The following DACH1 variants were observed in gnomAD, a reference collection of about 807,000 sequenced individuals.
The protein encoded by DACH1 is dachshund family transcription factor 1, also known as dachshund homolog 1.
Under a neutral mutation model 54.2 loss-of-function variants are expected in DACH1, and 12 were observed. That is an observed-to-expected ratio of 0.22 (90% confidence interval 0.14 to 0.36). The LOEUF (loss-of-function observed/expected upper bound fraction) is 0.36. Ranked by LOEUF, DACH1 falls within the 10% of genes least tolerant of loss-of-function variation. DACH1 has a pLI of 1.00. For synonymous variants in DACH1, 386 were observed against 366.2 expected (o/e 1.05, Z -0.62); for missense variants, 805 against 929.8 (o/e 0.87, Z 1.75).
intron 1 of DACH1, among the ~76,000 whole-genome samples, chr13:71,832,490 A>T (rs942307854): frequency 1.3e-5 from 2 of 151,990 alleles, no homozygotes; most frequent in African/African-American, 4.8e-5. Flanking sequence ...AAAATGTTTT[A>T]ATAGTAAATT....
intron 3 of DACH1, among the ~76,000 whole-genome samples, chr13:71,628,404 T>C (rs1388288404): frequency 6.6e-6 from 1 of 152,066 alleles, no homozygotes; most frequent in East Asian, 1.9e-4. Context: ...AAAATTACAA[T>C]GATAACATCT....
In DACH1 at chr13:71,440,383, T is replaced by C. The variant is rs1354842608; in HGVS notation, c.*272A>G. 3 of 371,194 alleles carry C rather than the reference T, an allele frequency of 8.1e-6. No individual in the cohort carries two copies. The highest frequency in any genetic ancestry group is 9.7e-6 in the Non-Finnish European group (2 of 207,016). The allele number at this position is 371,194 out of a possible 1,614,324, so 23.0% of individuals were successfully genotyped here. ...GACCTGCCTTTAACTCTGTATACAA[T>C]TGTCCAGCAGCAAGTTGCAGTAATT... On this transcript the variant is annotated 3_prime_UTR_variant, in exon 11 of 11. Coordinates refer to ENST00000613252, the MANE Select transcript of DACH1 (RefSeq NM_080759.6).
chr13:71,440,596 G>A lies in DACH1; in HGVS notation c.*59C>T. On this transcript the variant is annotated 3_prime_UTR_variant, in exon 11 of 11. Transcript: ENST00000613252. ...TTTATTTTTTTCTGAACTTTCCCAT[G>A]ACGAATGTCTGACTGCAAAGTTCTT... is the stretch of plus-strand genomic sequence containing the variant. 7.3e-7 allele frequency: 1 copy of A among 1,378,098 alleles called. No homozygotes were observed. Among genetic ancestry groups the A allele is most frequent in the East Asian group, 2.4e-5 (1 of 41,032 alleles). 85.4% of individuals were successfully genotyped at this position (1,378,098 alleles called of 1,614,324 possible).
intron 6 of DACH1, among the ~76,000 whole-genome samples, chr13:71,516,982 A>G (rs1334462166): frequency 6.6e-6 from 1 of 151,626 alleles, no homozygotes; most frequent in African/African-American, 2.4e-5. Flanking sequence ...ATACATGAGT[A>G]TACTCTCATA....
At chr13:71,574,608 C>A (rs559268294) in intron 3 of DACH1, among the ~76,000 whole-genome samples, 2 of 152,036 alleles carry the variant, frequency 1.3e-5, no homozygotes, top group Non-Finnish European at 2.9e-5. Context: ...AATATAAATT[C>A]AAACTAATTA....
At chr13:71,738,731 C>CAAAAAAAAAAAAAAAAAAAAAAAAA (rs34856567) in intron 1 of DACH1, among the ~76,000 whole-genome samples, 2 of 24,064 alleles carry the variant, frequency 8.3e-5, no homozygotes, top group African/African-American at 1.7e-4. Context: ...GACTCTGTCT[C>CAAAAAAAAAAAAAAAAAAAAAAAAA]AAAAAAAAAA....
At chr13:71,463,583 C>T (rs984880837) in intron 10 of DACH1, among the ~76,000 whole-genome samples, 5 of 151,958 alleles carry the variant, frequency 3.3e-5, no homozygotes, top group Admixed American at 1.3e-4. Context: ...CTCAAAGATT[C>T]TGGATTTACA....
chr13:71,829,458 A>G (rs1168402816), intron 1 of DACH1, among the ~76,000 whole-genome samples: 1 of 152,008 alleles, frequency 6.6e-6, no homozygotes, highest in Non-Finnish European at 1.5e-5. Context: ...CTAAGTACGT[A>G]CTGGGAATAA....
chr13:71,561,143 C>T (rs1238395703), intron 4 of DACH1, among the ~76,000 whole-genome samples: 1 of 152,110 alleles, frequency 6.6e-6, no homozygotes, highest in Non-Finnish European at 1.5e-5. Flanking sequence ...CAAAGTGATT[C>T]CATTAGCACC....
At chr13:71,812,886 T>G (rs1323060390) in intron 1 of DACH1, among the ~76,000 whole-genome samples, 1 of 152,168 alleles carries the variant, frequency 6.6e-6, no homozygotes, top group Non-Finnish European at 1.5e-5. Flanking sequence ...TAAGTTTAAG[T>G]GCTAAATAAC....
At chr13:71,449,834 A>G (rs1388020912) in intron 10 of DACH1, among the ~76,000 whole-genome samples, 1 of 149,676 alleles carries the variant, frequency 6.7e-6, no homozygotes, top group Non-Finnish European at 1.5e-5. Context: ...AAGAAAGTAC[A>G]TGAGAGAACA....
chr13:71,441,614 TG>T (rs1332630000), intron 10 of DACH1, among the ~76,000 whole-genome samples: 2 of 152,002 alleles, frequency 1.3e-5, no homozygotes, highest in Non-Finnish European at 2.9e-5. Context: ...GCCATGTAAA[TG>T]TTTGCAAAAT....
At chr13:71,738,456 G>T (rs571574389) in intron 1 of DACH1, among the ~76,000 whole-genome samples, 1 of 152,240 alleles carries the variant, frequency 6.6e-6, no homozygotes, top group African/African-American at 2.4e-5. Context: ...AACTGTCTGC[G>T]TGAGGTGGCT....
chr13:71,813,622 A>G (rs1268025809), intron 1 of DACH1, among the ~76,000 whole-genome samples: 1 of 152,106 alleles, frequency 6.6e-6, no homozygotes, highest in Non-Finnish European at 1.5e-5. Flanking sequence ...TTAAGAACAA[A>G]CCTATAATAT....
chr13:71,754,909 G>A (rs1445135029), intron 1 of DACH1, among the ~76,000 whole-genome samples: 5 of 152,098 alleles, frequency 3.3e-5, no homozygotes, highest in South Asian at 2.1e-4. Context: ...GGGTCACATC[G>A]CTTTTAATAT....
At chr13:71,513,670 T>G (rs1463835025) in intron 6 of DACH1, among the ~76,000 whole-genome samples, 1 of 152,126 alleles carries the variant, frequency 6.6e-6, no homozygotes, top group Non-Finnish European at 1.5e-5. Context: ...CTCTGGACAT[T>G]GCTTGAAAGC....
At chr13:71,719,527 C>T (rs938531973) in intron 1 of DACH1, among the ~76,000 whole-genome samples, 2 of 152,108 alleles carry the variant, frequency 1.3e-5, no homozygotes, top group African/African-American at 4.8e-5. Flanking sequence ...ACTTTCTATA[C>T]TATGCTCACT....
chr13:71,778,094 A>G (rs934371920), intron 1 of DACH1, among the ~76,000 whole-genome samples: 2 of 35,446 alleles, frequency 5.6e-5, no homozygotes, highest in Admixed American at 2.3e-4. Context: ...CCTGTCTACA[A>G]TAAATAAATA....
At chr13:71,857,955 G>T (rs1452094927) in intron 1 of DACH1, among the ~76,000 whole-genome samples, 1 of 151,486 alleles carries the variant, frequency 6.6e-6, no homozygotes, top group African/African-American at 2.4e-5. Context: ...GAATAAAACA[G>T]CCCATTTACT....
Sources: gnomAD v4.1 joint callset for allele counts (sites outside exome capture counted in the v4.1 genomes callset) on GRCh38, gnomAD v4.1.1 for gene constraint, MANE v1.5 for transcripts, NCBI Gene and HGNC (gene_info 2026-07-23, HGNC 2026-07-21) for gene names.